Variants in ALG3 observed in about 807,000 individuals in gnomAD.
The protein encoded by ALG3 is ALG3 alpha-1,3- mannosyltransferase.
In ALG3, 39 loss-of-function variants were observed where a neutral mutation model predicts 50.5. That is an observed-to-expected ratio of 0.77 (90% CI 0.60 to 1.01). The LOEUF (loss-of-function observed/expected upper bound fraction) is 1.01, where lower values mean the gene tolerates loss of function less well. Ranked by LOEUF, ALG3 falls within the 50% of genes least tolerant of loss-of-function variation. The pLI is 0.00. For synonymous variants in ALG3, 252 were observed against 237.2 expected (o/e 1.06, Z -0.58); for missense variants, 520 against 554.8 (o/e 0.94, Z 0.63).
rs770271258 is a variant in ALG3 at position 184,244,592 on chromosome 3, T to C, written c.726+9A>G. The stretch of plus-strand genomic sequence containing the variant: ...TTGATTAGAAAGAGGAAGGGTGAGA[T>C]GGGGGTACCTGAAGGCCAGCACAGA... On this transcript the variant is annotated intron_variant, in intron 5 of 8. Coordinates refer to ENST00000397676, the MANE Select transcript of ALG3 (RefSeq NM_005787.6). 1.2e-6 allele frequency: 2 copies of C among 1,606,622 alleles called. No individual in the cohort carries two copies. The highest frequency in any genetic ancestry group is 3.4e-5 in the Admixed American group (2 of 58,846).
intron 7 of ALG3, 65 bp from the exon 8 acceptor site, chr3:184,243,022 C>A: frequency 6.3e-7 from 1 of 1,588,558 alleles, no homozygotes; most frequent in Middle Eastern, 2.2e-4. Context: ...AACAGAGGGG[C>A]AATAGTTTTT....
upstream of ALG3, chr3:184,249,056 C>T: frequency 6.7e-7 from 1 of 1,501,078 alleles, no homozygotes; most frequent in Non-Finnish European, 9.0e-7. Flanking sequence ...TCCGAGTAGC[C>T]AGTCTTCATT....
intron 4 of ALG3, chr3:184,244,987 C>A: frequency 1.3e-6 from 1 of 788,116 alleles, no homozygotes; most frequent in South Asian, 1.6e-5. Context: ...ACAAGGAATG[C>A]TGTCTGGGAG....
In ALG3 at chr3:184,245,361, A is replaced by C. The variant is rs759330923; in HGVS notation, c.445-3T>G. 1.2e-6 allele frequency: 2 copies of C among 1,612,712 alleles called. No individual in the cohort carries two copies. Among genetic ancestry groups the C allele is most frequent in the Admixed American group, 1.7e-5 (1 of 59,724 alleles). ...AAGAAAAAGACGAAGGGAGGTACCT[A>C]AAGGGAAAACACAGTAAGGTACAAG... is the stretch of plus-strand genomic sequence containing the variant. On this transcript the variant is annotated splice_region_variant and splice_polypyrimidine_tract_variant and intron_variant, in intron 3 of 8. Transcript: ENST00000397676.
chr3:184,248,291 G>A (rs1436057303), intron 1 of ALG3, among the ~76,000 whole-genome samples: 1 of 152,212 alleles, frequency 6.6e-6, no homozygotes, highest in Admixed American at 6.5e-5. Flanking sequence ...CTAGAGTATA[G>A]TTTCAGCCTG....
In ALG3 at chr3:184,243,893, C is replaced by T. The variant is rs749910952; in HGVS notation, c.830G>A (p.Arg277His). The change falls in exon 6 of 9, where the codon CGC (arginine) becomes CAC (histidine). Residue 277 changes from arginine (R) to histidine (H), a missense_variant. Arg to His is a conservative substitution (Grantham distance 29). Around this residue, in one of 3 missense-constraint regions of ALG3, gnomAD observed 224 missense variants for 272.8 expected, o/e 0.82. Coordinates refer to ENST00000397676, the MANE Select transcript of ALG3 (RefSeq NM_005787.6). Reference protein sequence around the residue: ...QFLFHWTVNWRFLPEALFLHR... With the variant: ...QFLFHWTVNWHFLPEALFLHR... ...CAGGAAGAGCGCCTCTGGGAGGAAGCGCCAGTTCACTGTCCAGTGGAACAG... is the reference window on the plus strand; with the variant it reads ...CAGGAAGAGCGCCTCTGGGAGGAAGTGCCAGTTCACTGTCCAGTGGAACAG... The T allele has an allele frequency of 1.1e-5, 18 of 1,613,832 alleles. No homozygotes were observed. Among genetic ancestry groups the T allele is most frequent in the African/African-American group, 1.3e-5 (1 of 75,004 alleles).
rs1311898457 is a variant in ALG3, at chr3:184,242,336, G to C, written c.*178C>G. 3 of 854,052 alleles carry C rather than the reference G, an allele frequency of 3.5e-6. No homozygotes were observed. Among genetic ancestry groups the C allele is most frequent in the African/African-American group, 3.3e-5 (2 of 59,932 alleles). The allele number at this position is 854,052 out of a possible 1,614,324, so 52.9% of individuals were successfully genotyped here. On this transcript the variant is annotated 3_prime_UTR_variant, in exon 9 of 9. Transcript: ENST00000397676. Reference sequence around the variant, plus strand: ...AATAAAGTGCCTCTTAGGACTGCTTGAGTGAATTCTTTATCTGCTCCATAC... The same window carrying C: ...AATAAAGTGCCTCTTAGGACTGCTTCAGTGAATTCTTTATCTGCTCCATAC...
chr3:184,242,479 G>A lies in ALG3; in HGVS notation c.*35C>T. 3 of 1,605,704 alleles carry A rather than the reference G, an allele frequency of 1.9e-6. No individual in the cohort carries two copies. Among genetic ancestry groups the A allele is most frequent in the Middle Eastern group, 1.7e-4 (1 of 5,932 alleles). ...GAGTCCAACCAACCCCAGGTCCTGA[G>A]GGTAGACTCAGGTCCTGAGGGAAAG... On this transcript the variant is annotated 3_prime_UTR_variant, in exon 9 of 9. Transcript: ENST00000397676.
chr3:184,245,569 T>C lies in ALG3; in HGVS notation c.343A>G (p.Thr115Ala), dbSNP rs753416504. ...ATGCGGATGTCAGTGCCTCGGCTGGTGGCATAGTACAACCCCATAAAGATG... is the reference window on the plus strand; with the variant it reads ...ATGCGGATGTCAGTGCCTCGGCTGGCGGCATAGTACAACCCCATAAAGATG... The part of the protein sequence containing the change: ...VYIFMGLYYA[T>A]SRGTDIRMAQ... The change falls in exon 3 of 9, where the codon ACC becomes GCC. Residue 115 changes from threonine (T) to alanine (A), a missense_variant. Coordinates refer to ENST00000397676, the MANE Select transcript of ALG3 (RefSeq NM_005787.6). 3.7e-6 allele frequency: 6 copies of C among 1,613,574 alleles called. No individual in the cohort carries two copies. The African/African-American group carries it at 6.7e-5, about 18-fold the overall frequency.
At chr3:184,243,487 T>C (rs1357180774) in intron 7 of ALG3, 67 bp downstream of exon 7, 3 of 1,504,496 alleles carry the variant, frequency 2.0e-6, no homozygotes, top group African/African-American at 2.7e-5. Context: ...TGTCAAGGGA[T>C]ACCTGACCAG....
chr3:184,244,654 G>A lies in ALG3; in HGVS notation c.673C>T (p.Gln225Ter). 1 of 1,611,106 alleles carries A rather than the reference G, an allele frequency of 6.2e-7. No individual in the cohort carries two copies. The highest frequency in any genetic ancestry group is 8.5e-7 in the Non-Finnish European group (1 of 1,178,726). The change falls in exon 5 of 9, where the codon CAG becomes TAG. Residue 225 changes from glutamine to a stop codon, truncating the protein, a stop_gained. Transcript: ENST00000397676. LOFTEE classifies it high-confidence loss of function. ...APGLLFLLLT[Q>*]FGFRGALPKL... Reference sequence around the variant, plus strand: ...GGGAGGGCCCCACGGAAGCCAAACTGTGTGAGGAGAAGAAACAGTAACCCA... The same window carrying A: ...GGGAGGGCCCCACGGAAGCCAAACTATGTGAGGAGAAGAAACAGTAACCCA...
At chr3:184,243,500 C>G in intron 7 of ALG3, 54 bp downstream of exon 7, 1 of 1,573,140 alleles carries the variant, frequency 6.4e-7, no homozygotes, top group Non-Finnish European at 8.7e-7. Flanking sequence ...CTGACCAGGA[C>G]TCTGTCAGCA....
chr3:184,242,577 C>T lies in ALG3; in HGVS notation c.1254G>A (p.Leu418=), dbSNP rs925568475. 22 of 1,607,158 alleles carry T rather than the reference C, an allele frequency of 1.4e-5. No homozygotes were observed. Among genetic ancestry groups the T allele is most frequent in the Middle Eastern group, 1.7e-4 (1 of 6,036 alleles). Residue 418 remains leucine, a synonymous_variant, in exon 9 of 9, where the codon CTG becomes CTA. Coordinates refer to ENST00000397676, the MANE Select transcript of ALG3 (RefSeq NM_005787.6). ...AAGGCTGCGGGCCCAGCCAGAGCTG[C>T]AGCAGGATGACGGCATGGCATATGT... ...ALHICHAVIL[L]QLWLGPQPFP...
chr3:184,245,183 G>C lies in ALG3; in HGVS notation c.605+15C>G, dbSNP rs1386054358. The C allele has an allele frequency of 6.2e-7, 1 of 1,613,778 alleles. No homozygotes were observed. ...GCAGAAAACGAGAGGGGACCAGAAA[G>C]GAAGAGGTGTTGACCTGAAAAAGCA... is the stretch of plus-strand genomic sequence containing the variant. On this transcript the variant is annotated intron_variant, in intron 4 of 8. Coordinates refer to ENST00000397676, the MANE Select transcript of ALG3 (RefSeq NM_005787.6).
chr3:184,245,311 G>C lies in ALG3; in HGVS notation c.492C>G (p.Val164=). 6.2e-7 allele frequency: 1 copy of C among 1,613,322 alleles called. No homozygotes were observed. Among genetic ancestry groups the C allele is most frequent in the South Asian group, 1.1e-5 (1 of 91,004 alleles). ...FFFMCCASYR[V]HSIFVLRLFN... is the part of the protein sequence containing the mutation. The stretch of plus-strand genomic sequence containing the variant: ...AGAGCCGCAGCACAAAGATGGAGTG[G>C]ACACGGTAAGAGGCGCAGCACATGA... The change falls in exon 4 of 9, where the codon GTC becomes GTG. Residue 164 remains valine, a synonymous_variant. Transcript: ENST00000397676.
chr3:184,244,749 G>A lies in ALG3; in HGVS notation c.606-28C>T, dbSNP rs760259201. 1.3e-5 allele frequency: 21 copies of A among 1,602,048 alleles called. No individual in the cohort carries two copies. The African/African-American group carries it at 1.9e-4, about 14-fold the overall frequency. On this transcript the variant is annotated intron_variant, in intron 4 of 8. Transcript: ENST00000397676. ...GGGGTGAGCAGGGGAGAGGAAGGGTGGAGATCAGCTCCAGGGCCATGCACA... is the reference window on the plus strand; with the variant it reads ...GGGGTGAGCAGGGGAGAGGAAGGGTAGAGATCAGCTCCAGGGCCATGCACA...
chr3:184,248,692 G>A (rs1196788592), intron 1 of ALG3, 53 bp downstream of exon 1: 24 of 1,470,366 alleles, frequency 1.6e-5, no homozygotes, highest in Non-Finnish European at 5.5e-6. Flanking sequence ...TCCAGTTTGG[G>A]TCGCGGGTTC....
At chr3:184,245,680 C>T (rs1719106187) in intron 2 of ALG3, 33 bp downstream of exon 2, 1 of 1,610,048 alleles carries the variant, frequency 6.2e-7, no homozygotes, top group African/African-American at 1.3e-5. Flanking sequence ...ACCAGCCCCT[C>T]ACATCCTCCC....
chr3:184,248,696 C>T (rs1294066084), intron 1 of ALG3, 49 bp downstream of exon 1: 1 of 1,474,410 alleles, frequency 6.8e-7, no homozygotes. Context: ...GTTTGGGTCG[C>T]GGGTTCAGGT....
Sources: allele counts gnomAD v4.1 joint callset (sites outside exome capture counted in the v4.1 genomes callset), GRCh38; gene constraint gnomAD v4.1.1; regional missense constraint gnomAD v4.1.1; transcripts MANE v1.5; gene names NCBI Gene and HGNC (gene_info 2026-07-23, HGNC 2026-07-21).